The following TMCC1 variants were observed in gnomAD, a reference collection of about 807,000 sequenced individuals.
TMCC1 encodes transmembrane and coiled-coil domain family 1, also known as transmembrane and coiled-coil domains protein 1.
TMCC1 carries 15 observed loss-of-function variants against 52.4 expected under a neutral mutation model. That is an observed-to-expected ratio of 0.29 (90% CI 0.19 to 0.44). The LOEUF is 0.44. Among genes scored for constraint, TMCC1 ranks in the 20% least tolerant of loss-of-function variants. The probability of loss-of-function intolerance (pLI) is 1.00; values close to 1 mark genes in which losing one functional copy is unlikely to be tolerated. For synonymous variants in TMCC1, 279 were observed against 301.9 expected (o/e 0.92, Z 0.79); for missense variants, 503 against 806.0 (o/e 0.62, Z 4.55).
At chr3:129,879,774 A>G (rs1341643532) in intron 2 of TMCC1, among the ~76,000 whole-genome samples, 1 of 152,216 alleles carries the variant, frequency 6.6e-6, no homozygotes, top group Non-Finnish European at 1.5e-5. Flanking sequence ...TCATACAGCC[A>G]TAATATTATG....
intron 4 of TMCC1, among the ~76,000 whole-genome samples, chr3:129,674,087 C>A (rs2088194214): frequency 6.6e-6 from 1 of 152,168 alleles, no homozygotes; most frequent in Admixed American, 6.5e-5. Flanking sequence ...ATAGCCCAGG[C>A]GTTATACCAT....
At chr3:129,772,472 T>C (rs1038821001) in intron 4 of TMCC1, among the ~76,000 whole-genome samples, 2 of 151,952 alleles carry the variant, frequency 1.3e-5, no homozygotes, top group African/African-American at 4.8e-5. Context: ...TCCCAGCACT[T>C]TGGGAAGCTG....
intron 4 of TMCC1, among the ~76,000 whole-genome samples, chr3:129,755,682 C>T (rs2052934744): frequency 6.6e-6 from 1 of 152,138 alleles, no homozygotes; most frequent in Non-Finnish European, 1.5e-5. Context: ...GAAATTAAAA[C>T]CCCTAGATAG....
chr3:129,829,940 T>C (rs959394082), intron 3 of TMCC1, among the ~76,000 whole-genome samples: 3 of 152,214 alleles, frequency 2.0e-5, no homozygotes, highest in African/African-American at 7.2e-5. Flanking sequence ...TATTCTTTCA[T>C]GCCTGTGATT....
chr3:129,668,400 G>A (rs2087643598), intron 5 of TMCC1, among the ~76,000 whole-genome samples: 2 of 152,036 alleles, frequency 1.3e-5, no homozygotes, highest in African/African-American at 4.8e-5. Context: ...ATCTTATAAA[G>A]AACTATTACT....
chr3:129,719,014 T>A (rs977600698), intron 4 of TMCC1, among the ~76,000 whole-genome samples: 3 of 152,190 alleles, frequency 2.0e-5, no homozygotes, highest in Non-Finnish European at 4.4e-5. Context: ...TTTCCTGGCA[T>A]ACAACTACTA....
intron 4 of TMCC1, among the ~76,000 whole-genome samples, chr3:129,728,499 T>A (rs949222015): frequency 3.3e-5 from 5 of 152,210 alleles, no homozygotes; most frequent in African/African-American, 1.2e-4. Flanking sequence ...TTGGCCAGGC[T>A]GGTTTTGAAC....
intron 3 of TMCC1, among the ~76,000 whole-genome samples, chr3:129,829,847 C>G (rs1033212068): frequency 6.6e-6 from 1 of 152,180 alleles, no homozygotes; most frequent in Non-Finnish European, 1.5e-5. Context: ...TGCAAACTCA[C>G]TAAAGTTTTG....
chr3:129,872,398 G>A (rs1242061966), intron 2 of TMCC1, among the ~76,000 whole-genome samples: 1 of 152,048 alleles, frequency 6.6e-6, no homozygotes, highest in Non-Finnish European at 1.5e-5. Flanking sequence ...AAATTCTCAG[G>A]CCCTACTCCA....
At chr3:129,805,559 T>G (rs965303776) in intron 4 of TMCC1, among the ~76,000 whole-genome samples, 3 of 152,168 alleles carry the variant, frequency 2.0e-5, no homozygotes, top group African/African-American at 7.2e-5. Flanking sequence ...ATACACAGTC[T>G]GTTGAAATAT....
At chr3:129,678,359 C>CTTTTTT (rs71155564) in intron 4 of TMCC1, among the ~76,000 whole-genome samples, 5 of 117,200 alleles carry the variant, frequency 4.3e-5, no homozygotes, top group Non-Finnish European at 6.5e-5. Flanking sequence ...TTGTTTAATT[C>CTTTTTT]TTTTTTTTTT....
intron 2 of TMCC1, among the ~76,000 whole-genome samples, chr3:129,868,789 C>T (rs2060778485): frequency 6.6e-6 from 1 of 152,148 alleles, no homozygotes; most frequent in Admixed American, 6.6e-5. Context: ...ACAAATGTTA[C>T]TGACATTACC....
At chr3:129,714,477 AC>A (rs1469841733) in intron 4 of TMCC1, among the ~76,000 whole-genome samples, 1 of 152,212 alleles carries the variant, frequency 6.6e-6, no homozygotes, top group Non-Finnish European at 1.5e-5. Flanking sequence ...AAACTTGACC[AC>A]CTGGAAACTC....
At chr3:129,873,636 C>T (rs2061042330) in intron 2 of TMCC1, among the ~76,000 whole-genome samples, 1 of 152,128 alleles carries the variant, frequency 6.6e-6, no homozygotes, top group Non-Finnish European at 1.5e-5. Context: ...GCTACGATCA[C>T]ACGCACCACT....
chr3:129,800,661 T>A (rs905690663), intron 4 of TMCC1, among the ~76,000 whole-genome samples: 5 of 80,088 alleles, frequency 6.2e-5, no homozygotes, highest in African/African-American at 1.3e-4. Flanking sequence ...TATATATCCA[T>A]CCATCTGAGT....
At chr3:129,863,430 C>T (rs1465279879) in intron 2 of TMCC1, among the ~76,000 whole-genome samples, 2 of 152,192 alleles carry the variant, frequency 1.3e-5, no homozygotes, top group Non-Finnish European at 2.9e-5. Context: ...AGTCTCCCAA[C>T]TCTGTTCTAT....
intron 4 of TMCC1, among the ~76,000 whole-genome samples, chr3:129,739,793 A>G (rs1315699458): frequency 2.0e-5 from 3 of 152,212 alleles, no homozygotes; most frequent in Admixed American, 6.5e-5. Flanking sequence ...CCTTTACACC[A>G]AACAGGTTCA....
Position 129,671,123 on chromosome 3 carries a change from T to G in TMCC1, c.718A>C (p.Lys240Gln). 1 of 1,614,184 alleles carries G rather than the reference T, an allele frequency of 6.2e-7. No homozygotes were observed. The highest frequency in any genetic ancestry group is 8.5e-7 in the Non-Finnish European group (1 of 1,180,032). ...ATTTGTTCTGTGAGCTTCAGGATCT[T>G]CTGCTGCAGGTGAGCAATGGCAGCC... ...TKAAIAHLQQKILKLTEQIKI... is the reference protein window; with the variant it reads ...TKAAIAHLQQQILKLTEQIKI... The change falls in exon 5 of 7, where the codon AAG becomes CAG. Residue 240 changes from lysine to glutamine, a missense_variant. By Grantham distance (53) the Lys-to-Gln change is moderately conservative (BLOSUM62 1). This residue lies in a region of TMCC1 where 73 missense variants were observed against 182.9 expected (regional missense o/e 0.40). Coordinates refer to ENST00000393238, the MANE Select transcript of TMCC1 (RefSeq NM_001017395.5).
intron 2 of TMCC1, among the ~76,000 whole-genome samples, chr3:129,876,286 CAAAAAAAAAA>C (rs61167884): frequency 1.2e-3 from 111 of 91,046 alleles, no homozygotes; most frequent in African/African-American, 3.0e-3. Context: ...ATGCCTGGCT[CAAAAAAAAAA>C]AAAAAAAAAA....
Sources: allele counts gnomAD v4.1 joint callset (sites outside exome capture counted in the v4.1 genomes callset), GRCh38; gene constraint gnomAD v4.1.1; regional missense constraint gnomAD v4.1.1; transcripts MANE v1.5; gene names NCBI Gene and HGNC (gene_info 2026-07-23, HGNC 2026-07-21).